ZMAT3: variants seen among roughly 807,000 people sequenced by gnomAD.
The protein encoded by ZMAT3 is zinc finger matrin-type protein 3.
Under a neutral mutation model 32.3 loss-of-function variants are expected in ZMAT3, and 17 were observed. The observed-to-expected ratio is 0.53, with a 90% CI of 0.36 to 0.79. The LOEUF (loss-of-function observed/expected upper bound fraction) is 0.79, where lower values mean the gene tolerates loss of function less well. ZMAT3 is among the 30% of genes least tolerant of loss of function. ZMAT3 has a pLI of 0.00. For missense variants in ZMAT3, 329 were observed against 359.7 expected (o/e 0.91, Z 0.69); for synonymous variants, 120 against 133.1 (o/e 0.90, Z 0.68).
chr3:179,060,571 G>A (rs1721104921), intron 2 of ZMAT3, among the ~76,000 whole-genome samples: 1 of 152,000 alleles, frequency 6.6e-6, no homozygotes, highest in South Asian at 2.1e-4. Flanking sequence ...TTAAACACAG[G>A]AGGCAGAAGT....
intron 2 of ZMAT3, among the ~76,000 whole-genome samples, chr3:179,036,270 G>A (rs1719582711): frequency 6.6e-6 from 1 of 152,196 alleles, no homozygotes; most frequent in African/African-American, 2.4e-5. Context: ...TCCAGAAAAT[G>A]AGATTGACAA....
At chr3:179,056,581 G>A (rs944125746) in intron 2 of ZMAT3, among the ~76,000 whole-genome samples, 2 of 152,206 alleles carry the variant, frequency 1.3e-5, no homozygotes, top group African/African-American at 4.8e-5. Flanking sequence ...CCATTAACCA[G>A]ATGATCCAGC....
intron 2 of ZMAT3, among the ~76,000 whole-genome samples, chr3:179,057,652 C>T (rs1720917735): frequency 1.3e-5 from 2 of 152,224 alleles, no homozygotes; most frequent in South Asian, 4.1e-4. Flanking sequence ...AAACCAAAGG[C>T]TCAGCTCTGC....
At chr3:179,053,645 A>G (rs1220160792) in intron 2 of ZMAT3, among the ~76,000 whole-genome samples, 2 of 152,244 alleles carry the variant, frequency 1.3e-5, no homozygotes, top group African/African-American at 4.8e-5. Context: ...CACCAGTAAT[A>G]CAAGACATTC....
chr3:179,027,813 C>G lies in ZMAT3; in HGVS notation c.391-1G>C. On this transcript the variant is annotated splice_acceptor_variant, in intron 3 of 5. Coordinates refer to ENST00000311417, the MANE Select transcript of ZMAT3 (RefSeq NM_022470.4). LOFTEE classifies it high-confidence loss of function. ...GGCCTCCTGGCTTAAAGGAGCCCAT[C>G]TGACATCAAAGACACAAGAAGAAAC... 1 of 1,600,604 alleles carries G rather than the reference C, an allele frequency of 6.2e-7. No homozygotes were observed. The highest frequency in any genetic ancestry group is 8.5e-7 in the Non-Finnish European group (1 of 1,175,820).
chr3:179,063,576 T>C (rs534870504), intron 2 of ZMAT3, among the ~76,000 whole-genome samples: 7 of 152,246 alleles, frequency 4.6e-5, no homozygotes, highest in Non-Finnish European at 1.0e-4. Context: ...CTGGTGACTT[T>C]AAACTGTGGA....
chr3:179,033,284 G>A (rs1211278880), intron 2 of ZMAT3, among the ~76,000 whole-genome samples: 1 of 152,140 alleles, frequency 6.6e-6, no homozygotes, highest in African/African-American at 2.4e-5. Flanking sequence ...ATGCTTGAAG[G>A]CAGCATACTC....
intron 3 of ZMAT3, among the ~76,000 whole-genome samples, chr3:179,028,654 C>T (rs1007364758): frequency 1.3e-5 from 2 of 152,208 alleles, no homozygotes; most frequent in Non-Finnish European, 2.9e-5. Context: ...GAGCAGCCTT[C>T]AGAAACCAGT....
Position 179,019,441 on chromosome 3 carries a change from A to G in ZMAT3, c.*5576T>C, listed in dbSNP as rs926860124. The G allele has an allele frequency of 3.9e-5, 6 of 152,100 alleles. No homozygotes were observed. The highest frequency in any genetic ancestry group is 6.6e-5 in the Admixed American group (1 of 15,262). 9.4% of individuals were successfully genotyped at this position (152,100 alleles called of 1,614,324 possible). ...CTTTGGAATGTTCTTTAAAAAAAAAATCTGATGGATCGATGGATGAAAAGA... is the reference window on the plus strand; with the variant it reads ...CTTTGGAATGTTCTTTAAAAAAAAAGTCTGATGGATCGATGGATGAAAAGA... On this transcript the variant is annotated 3_prime_UTR_variant, in exon 6 of 6. Transcript: ENST00000311417.
At chr3:179,036,514 C>G (rs1214970961) in intron 2 of ZMAT3, among the ~76,000 whole-genome samples, 1 of 151,894 alleles carries the variant, frequency 6.6e-6, no homozygotes, top group Non-Finnish European at 1.5e-5. Flanking sequence ...GAGAAAGACG[C>G]AGGAACTATG....
chr3:179,041,371 C>A (rs1322804278), intron 2 of ZMAT3, among the ~76,000 whole-genome samples: 1 of 152,108 alleles, frequency 6.6e-6, no homozygotes, highest in African/African-American at 2.4e-5. Flanking sequence ...ACAGAAATCA[C>A]AACAAACTGC....
Position 179,027,816 on chromosome 3 carries a change from A to G in ZMAT3, c.391-4T>C, listed in dbSNP as rs770772773. The G allele has an allele frequency of 6.3e-7, 1 of 1,594,398 alleles. No individual in the cohort carries two copies. The highest frequency in any genetic ancestry group is 8.5e-7 in the Non-Finnish European group (1 of 1,173,404). On this transcript the variant is annotated splice_polypyrimidine_tract_variant and splice_region_variant and intron_variant, in intron 3 of 5. Coordinates refer to ENST00000311417, the MANE Select transcript of ZMAT3 (RefSeq NM_022470.4). ...CTCCTGGCTTAAAGGAGCCCATCTG[A>G]CATCAAAGACACAAGAAGAAACAAA...
intron 3 of ZMAT3, among the ~76,000 whole-genome samples, chr3:179,028,432 A>G (rs1432374510): frequency 2.0e-5 from 3 of 152,244 alleles, no homozygotes; most frequent in Non-Finnish European, 2.9e-5. Context: ...AAAAAAAATG[A>G]CACACTAGGT....
At chr3:179,054,553 G>A (rs1720733865) in intron 2 of ZMAT3, among the ~76,000 whole-genome samples, 1 of 152,190 alleles carries the variant, frequency 6.6e-6, no homozygotes, top group Admixed American at 6.5e-5. Context: ...TGTTTGAAAT[G>A]TAACATTAAA....
intron 2 of ZMAT3, among the ~76,000 whole-genome samples, chr3:179,049,282 C>G (rs1720413541): frequency 6.6e-6 from 1 of 152,110 alleles, no homozygotes; most frequent in Admixed American, 6.5e-5. Flanking sequence ...AGAAAGTCAA[C>G]AAAGAAACAA....
chr3:179,061,905 A>G (rs2108584621), intron 2 of ZMAT3, among the ~76,000 whole-genome samples: 1 of 152,294 alleles, frequency 6.6e-6, no homozygotes, highest in South Asian at 2.1e-4. Flanking sequence ...TAATTTGATG[A>G]CAGAATGGAT....
intron 2 of ZMAT3, among the ~76,000 whole-genome samples, chr3:179,033,008 C>T (rs1434626033): frequency 6.6e-6 from 1 of 152,214 alleles, no homozygotes; most frequent in African/African-American, 2.4e-5. Flanking sequence ...TCATTGAGAA[C>T]GGGCCACGAT....
intron 2 of ZMAT3, among the ~76,000 whole-genome samples, chr3:179,060,882 G>A (rs1202214974): frequency 6.6e-6 from 1 of 152,058 alleles, no homozygotes; most frequent in Non-Finnish European, 1.5e-5. Context: ...AGAATCAGAA[G>A]ATTTCTCTTC....
Position 179,067,690 on chromosome 3 carries a change from C to G in ZMAT3, c.63G>C (p.Met21Ile), listed in dbSNP as rs777282271. The G allele has an allele frequency of 1.2e-6, 2 of 1,614,138 alleles. No individual in the cohort carries two copies. Among genetic ancestry groups the G allele is most frequent in the Non-Finnish European group, 8.5e-7 (1 of 1,180,024 alleles). The change falls in exon 2 of 6, where the codon ATG (methionine) becomes ATC (isoleucine). Residue 21 changes from methionine (M) to isoleucine (I), a missense_variant. Physicochemically the swap from Met to Ile is conservative, Grantham distance 10. Transcript: ENST00000311417. ...TTCCTGTAGACCTGGTGGCCACTGA[C>G]ATAGGAGGCGAGGGTGAGGGCTGCT... is the stretch of plus-strand genomic sequence containing the variant. ...PPKQPSPSPP[M>I]SVATRSTGTL...
Sources: allele counts gnomAD v4.1 joint callset (sites outside exome capture counted in the v4.1 genomes callset), GRCh38; gene constraint gnomAD v4.1.1; transcripts MANE v1.5; gene names NCBI Gene and HGNC (gene_info 2026-07-23, HGNC 2026-07-21).